HMCN2: variants seen among roughly 807,000 people sequenced by gnomAD.
HMCN2 encodes hemicentin 2.
A neutral mutation model predicts 377.5 loss-of-function variants in HMCN2; 325 were observed. The observed-to-expected ratio is 0.86, with a 90% confidence interval of 0.79 to 0.94. HMCN2 has a LOEUF of 0.94. HMCN2 is among the 40% of genes least tolerant of loss of function. HMCN2 has a pLI of 0.00. For synonymous variants in HMCN2, 2,007 were observed against 2,046.8 expected, an observed-to-expected ratio of 0.98 and a Z score of 0.53; for missense variants, 4,543 against 4,725.3, an observed-to-expected ratio of 0.96 and a Z score of 1.13.
At chr9:130,385,278 G>A (rs1841961028) in intron 59 of HMCN2, among the ~76,000 whole-genome samples, 1 of 152,116 alleles carries the variant, frequency 6.6e-6, no homozygotes, top group African/African-American at 2.4e-5. Context: ...CCCAGCTGGG[G>A]CCTGCCCCTG....
intron 12 of HMCN2, among the ~76,000 whole-genome samples, chr9:130,306,604 C>A (rs1048832444): frequency 3.3e-5 from 5 of 151,532 alleles, no homozygotes; most frequent in Non-Finnish European, 7.4e-5. Context: ...CCACCCCCCA[C>A]CATTCAGGCT....
rs560002830 is a variant in HMCN2, at chr9:130,372,192, C to T, written c.7238-102C>T. On this transcript the variant is annotated intron_variant, in intron 46 of 97. Coordinates refer to ENST00000683500, the MANE Select transcript of HMCN2 (RefSeq NM_001291815.2). ...ACACAATGGGAGACAGACATGTACA[C>T]GCCTAATTATAATGCCTTTTCCTGC... The T allele has an allele frequency of 1.2e-4, 26 of 213,888 alleles. No individual in the cohort carries two copies. The South Asian group carries it at 1.3e-3, about 11-fold the overall frequency. 13.2% of individuals were successfully genotyped at this position (213,888 alleles called of 1,614,324 possible). A position where few individuals can be genotyped will look rare whatever the true frequency, so the allele number is the denominator to read the frequency against.
At chr9:130,294,701 G>GTT (rs765072084) in intron 4 of HMCN2, among the ~76,000 whole-genome samples, 154 bp from the exon 5 acceptor site, 75 of 152,342 alleles carry the variant, frequency 4.9e-4, no homozygotes, top group Non-Finnish European at 9.6e-4. Flanking sequence ...TGGAAGCCAG[G>GTT]AGGGTCACAA....
At chr9:130,309,193 G>A (rs1336918893) in intron 14 of HMCN2, among the ~76,000 whole-genome samples, 1 of 152,206 alleles carries the variant, frequency 6.6e-6, no homozygotes, top group African/African-American at 2.4e-5. Context: ...CAGGCCTCAG[G>A]GGCGGAGAGA....
At chr9:130,401,354 C>T (rs910805050) in intron 77 of HMCN2, among the ~76,000 whole-genome samples, 4 of 152,106 alleles carry the variant, frequency 2.6e-5, no homozygotes, top group African/African-American at 7.2e-5. Flanking sequence ...GATGGAGTCT[C>T]GCTCTGTTGC....
intron 30 of HMCN2, 83 bp from the exon 31 acceptor site, chr9:130,352,844 A>T: frequency 8.8e-7 from 1 of 1,131,052 alleles, no homozygotes; most frequent in Non-Finnish European, 1.1e-6. Flanking sequence ...CTTGTGGCCC[A>T]AAGGCATGAG....
In HMCN2 at chr9:130,325,893, AGGACGC is replaced by A. The variant is rs1838108866; in HGVS notation, c.3117_3122del (p.Asp1040_Ala1041del). 1 of 152,322 alleles carries A rather than the reference AGGACGC, an allele frequency of 6.6e-6. No homozygotes were observed. Among genetic ancestry groups the A allele is most frequent in the Non-Finnish European group, 1.5e-5 (1 of 68,100 alleles). The allele number at this position is 152,322 out of a possible 1,614,324, so 9.4% of individuals were successfully genotyped here. On this transcript the variant is annotated inframe_deletion, in exon 21 of 98. Transcript: ENST00000683500. ...CTGCTCATCGCCCAGCCGTCTGCCC[AGGACGC>A]AGGGGCCTACGTCTGCACGGCCACC... is the stretch of plus-strand genomic sequence containing the variant.
chr9:130,423,628 C>T lies in HMCN2; in HGVS notation c.13381+902C>T, dbSNP rs899071366. On this transcript the variant is annotated intron_variant, in intron 87 of 97. Transcript: ENST00000683500. This position sits in a 1 kb window ranked among gnomAD's most constrained non-coding sequence, Gnocchi z 5.5. ...CCATGCACAGGGGCCTGGCCAGCTC[C>T]TGTGAACCTTGCAAAGCTGGCACCG... Among the ~76,000 whole-genome samples the T allele has an allele frequency of 1.3e-5, 2 of 152,196 alleles. No individual in the cohort carries two copies. Among genetic ancestry groups the T allele is most frequent in the African/African-American group, 4.8e-5 (2 of 41,458 alleles).
chr9:130,428,141 C>G lies in HMCN2; in HGVS notation c.14066-217C>G, dbSNP rs1013005513. On this transcript the variant is annotated intron_variant, in intron 92 of 97. Coordinates refer to ENST00000683500, the MANE Select transcript of HMCN2 (RefSeq NM_001291815.2). This position sits in a 1 kb window ranked among gnomAD's most constrained non-coding sequence, Gnocchi z 5.0. ...GTTGTCTGCAGCCTTGCATTGGAAG[C>G]TGCAGGCCCAAGGACTCGGGTCCCT... Among the ~76,000 whole-genome samples the G allele has an allele frequency of 2.1e-4, 32 of 152,204 alleles. No individual in the cohort carries two copies. The highest frequency in any genetic ancestry group is 6.3e-4 in the African/African-American group (26 of 41,466).
intron 80 of HMCN2, among the ~76,000 whole-genome samples, chr9:130,404,277 C>T (rs1254965848): frequency 6.6e-6 from 1 of 152,224 alleles, no homozygotes; most frequent in African/African-American, 2.4e-5. Flanking sequence ...TGTCTTGGCC[C>T]CAGTGGCCTG....
At position 130,274,441 on chromosome 9, in the gene HMCN2, G is replaced by A. The variant is rs188895987; in HGVS notation, c.259+8304G>A. Among the ~76,000 whole-genome samples the A allele has an allele frequency of 2.2e-3, 332 of 152,262 alleles. 2 individuals are homozygous for A. The highest frequency in any genetic ancestry group is 3.6e-3 in the Non-Finnish European group (243 of 68,032). On this transcript the variant is annotated intron_variant, in intron 1 of 97. Coordinates refer to ENST00000683500, the MANE Select transcript of HMCN2 (RefSeq NM_001291815.2). ...ATTATTCTTTAATATACAGCTGGAT[G>A]ATAGTTTCCAGCATTTTGCTTAGAG... is the stretch of plus-strand genomic sequence containing the variant.
rs1457835325 is a variant in HMCN2 at position 130,395,010 on chromosome 9, A to G, written c.10693-17A>G. 6.3e-6 allele frequency: 8 copies of G among 1,279,616 alleles called. No homozygotes were observed. The Admixed American group carries it at 1.9e-4, about 30-fold the overall frequency. The allele number at this position is 1,279,616 out of a possible 1,614,324, so 79.3% of individuals were successfully genotyped here. Reference sequence around the variant, plus strand: ...GAGAGGGGCCAGGGGCAGCTGCTCAACCCGCTCCATCCCCAGGTTAGGGAT... The same window carrying G: ...GAGAGGGGCCAGGGGCAGCTGCTCAGCCCGCTCCATCCCCAGGTTAGGGAT... On this transcript the variant is annotated splice_polypyrimidine_tract_variant and intron_variant, in intron 69 of 97. Coordinates refer to ENST00000683500, the MANE Select transcript of HMCN2 (RefSeq NM_001291815.2).
intron 15 of HMCN2, among the ~76,000 whole-genome samples, chr9:130,310,972 G>A (rs1837215125): frequency 1.3e-5 from 2 of 152,166 alleles, no homozygotes; most frequent in African/African-American, 4.8e-5. Context: ...GCGGGGAGAG[G>A]GGTGATCATT....
chr9:130,299,725 AC>A (rs1217679673), intron 8 of HMCN2, among the ~76,000 whole-genome samples: 1 of 149,862 alleles, frequency 6.7e-6, no homozygotes, highest in African/African-American at 2.5e-5. Context: ...CCATTCACTC[AC>A]CCATCCACCC....
In HMCN2 at chr9:130,369,866, C is replaced by G. The variant is rs887347417; in HGVS notation, c.7069+15C>G. 11 of 985,904 alleles carry G rather than the reference C, an allele frequency of 1.1e-5. No homozygotes were observed. In the African/African-American group the frequency reaches 1.7e-4, roughly 16 times the overall value. 61.1% of individuals were successfully genotyped at this position (985,904 alleles called of 1,614,324 possible). ...CTCCGTACTGGGTGAGGACCGGCAG[C>G]TGCTGGAGGAGTTGGGCTGGGGCAG... On this transcript the variant is annotated intron_variant, in intron 45 of 97. Transcript: ENST00000683500. The surrounding 1 kb of genome is among the most constrained non-coding windows in gnomAD (Gnocchi z 4.5).
chr9:130,375,574 A>G lies in HMCN2; in HGVS notation c.7642A>G (p.Ile2548Val), dbSNP rs890781301. The part of the protein sequence containing the change: ...FQLSVLLAPT[I>V]LGGAEDSADE... ...GCCCCCCATCACAGTGGCTCCCACC[A>G]TCCTGGGAGGGGCCGAGGACAGTGC... Residue 2548 changes from isoleucine (I) to valine (V), a missense_variant, in exon 50 of 98, where the codon ATC becomes GTC. Coordinates refer to ENST00000683500, the MANE Select transcript of HMCN2 (RefSeq NM_001291815.2). 4.1e-6 allele frequency: 4 copies of G among 985,682 alleles called. No individual in the cohort carries two copies. Among genetic ancestry groups the G allele is most frequent in the Non-Finnish European group, 4.8e-6 (4 of 829,920 alleles). 61.1% of individuals were successfully genotyped at this position (985,682 alleles called of 1,614,324 possible).
At chr9:130,363,922 GA>G (rs1564818821) in intron 40 of HMCN2, among the ~76,000 whole-genome samples, 1 of 44,086 alleles carries the variant, frequency 2.3e-5, no homozygotes, top group Non-Finnish European at 8.7e-5. Context: ...AAAAAGAAAG[GA>G]AAAAGAGAAG....
chr9:130,365,812 G>A (rs117950592), intron 42 of HMCN2, 64 bp from the exon 43 acceptor site: 17,122 of 982,460 alleles, frequency 0.017, 163 homozygotes, highest in Non-Finnish European at 0.019. Flanking sequence ...GCCTGCCCTC[G>A]CCTTGCTCAT....
At chr9:130,389,991 G>A (rs1842221441) in intron 62 of HMCN2, among the ~76,000 whole-genome samples, 1 of 152,234 alleles carries the variant, frequency 6.6e-6, no homozygotes, top group African/African-American at 2.4e-5. Flanking sequence ...ATGGGCATTT[G>A]GGGTGGCTGC....
Sources: allele counts gnomAD v4.1 joint callset (sites outside exome capture counted in the v4.1 genomes callset), GRCh38; gene constraint gnomAD v4.1.1; non-coding constraint Gnocchi (gnomAD v3.1); transcripts MANE v1.5; gene names NCBI Gene and HGNC (gene_info 2026-07-23, HGNC 2026-07-21).